The following LRPPRC variants were observed in gnomAD, a reference collection of about 807,000 sequenced individuals.
The protein encoded by LRPPRC is leucine rich pentatricopeptide repeat containing.
LRPPRC carries 120 observed loss-of-function variants against 180.3 expected under a neutral mutation model. The observed-to-expected ratio is 0.67, with a 90% CI of 0.57 to 0.77. The LOEUF (loss-of-function observed/expected upper bound fraction) is 0.77. LRPPRC is among the 30% of genes least tolerant of loss of function. LRPPRC has a pLI of 0.00. For synonymous variants in LRPPRC, 723 were observed against 600.0 expected, an observed-to-expected ratio of 1.21 and a Z score of -3.00; for missense variants, 2,012 against 1,657.2, an observed-to-expected ratio of 1.21 and a Z score of -3.72.
At chr2:43,907,245 GAGAT>G (rs1194539197) in intron 30 of LRPPRC, among the ~76,000 whole-genome samples, 1 of 152,030 alleles carries the variant, frequency 6.6e-6, no homozygotes, top group Admixed American at 6.6e-5. Context: ...TATGAAAGTG[GAGAT>G]AAATATCAGG....
chr2:43,949,721 G>A (rs780376570), intron 15 of LRPPRC, 62 bp from the exon 16 acceptor site: 45 of 1,103,404 alleles, frequency 4.1e-5, no homozygotes, highest in Non-Finnish European at 6.0e-5. Flanking sequence ...AACACAATCT[G>A]AAATTGAATT....
chr2:43,959,288 A>G (rs1673243444), intron 13 of LRPPRC: 3 of 696,984 alleles, frequency 4.3e-6, no homozygotes, highest in South Asian at 1.6e-5. Context: ...AATACTCAAT[A>G]TTTGACTCAA....
chr2:43,960,836 ATGG>A (rs1673318287), intron 12 of LRPPRC, among the ~76,000 whole-genome samples: 1 of 152,224 alleles, frequency 6.6e-6, no homozygotes, highest in Admixed American at 6.5e-5. Flanking sequence ...TCAAATACAG[ATGG>A]TCTGATGCCT....
chr2:43,905,804 A>G (rs1472629883), intron 30 of LRPPRC, 24 bp from the exon 31 acceptor site: 2 of 1,397,988 alleles, frequency 1.4e-6, no homozygotes, highest in Admixed American at 3.3e-5. Flanking sequence ...ACATTTAGAA[A>G]GGAATTACTG....
intron 32 of LRPPRC, among the ~76,000 whole-genome samples, chr2:43,901,091 T>C (rs1184239958): frequency 6.6e-6 from 1 of 152,216 alleles, no homozygotes; most frequent in Non-Finnish European, 1.5e-5. Flanking sequence ...GGTTATCAAC[T>C]GTGGAGCAAG....
At chr2:43,953,465 G>T (rs1304434076) in intron 14 of LRPPRC, among the ~76,000 whole-genome samples, 1 of 152,310 alleles carries the variant, frequency 6.6e-6, no homozygotes, top group East Asian at 1.9e-4. Flanking sequence ...ATTTGCAACT[G>T]TGCAAACACT....
At chr2:43,994,867 A>G (rs971077169) in intron 1 of LRPPRC, among the ~76,000 whole-genome samples, 2 of 151,904 alleles carry the variant, frequency 1.3e-5, no homozygotes, top group African/African-American at 4.9e-5. Flanking sequence ...TTATTCGCCT[A>G]TCTGACACCC....
At chr2:43,909,248 T>A (rs147401616) in intron 30 of LRPPRC, among the ~76,000 whole-genome samples, 1 of 152,300 alleles carries the variant, frequency 6.6e-6, no homozygotes, top group Non-Finnish European at 1.5e-5. Flanking sequence ...TTTTATTGGT[T>A]CAAGGGAGAG....
At chr2:43,907,993 G>T (rs1671121043) in intron 30 of LRPPRC, among the ~76,000 whole-genome samples, 1 of 152,130 alleles carries the variant, frequency 6.6e-6, no homozygotes, top group African/African-American at 2.4e-5. Context: ...TGTAAGCAAT[G>T]ACTGTGCTTA....
intron 1 of LRPPRC, among the ~76,000 whole-genome samples, chr2:43,988,236 CAAA>C (rs35197756): frequency 5.2e-5 from 5 of 95,716 alleles, no homozygotes; most frequent in Non-Finnish European, 6.1e-5. Context: ...GACTCTGTCT[CAAA>C]AAAAAAAAAA....
intron 20 of LRPPRC, among the ~76,000 whole-genome samples, 193 bp downstream of exon 20, chr2:43,947,060 TAAAC>T (rs1672705171): frequency 6.6e-6 from 1 of 152,198 alleles, no homozygotes; most frequent in Admixed American, 6.5e-5. Flanking sequence ...CAGATTATCG[TAAAC>T]AAACTACAGC....
chr2:43,935,714 T>A (rs1672250939), intron 23 of LRPPRC, among the ~76,000 whole-genome samples: 1 of 152,206 alleles, frequency 6.6e-6, no homozygotes, highest in Non-Finnish European at 1.5e-5. Flanking sequence ...ACCCTGTCTT[T>A]ATTAAAAGTT....
intron 11 of LRPPRC, among the ~76,000 whole-genome samples, chr2:43,965,028 A>G (rs1237526586): frequency 6.6e-6 from 1 of 152,134 alleles, no homozygotes; most frequent in African/African-American, 2.4e-5. Flanking sequence ...TTGAGACTGA[A>G]TATTGCTCGG....
intron 11 of LRPPRC, among the ~76,000 whole-genome samples, chr2:43,970,893 G>C (rs1417914166): frequency 6.6e-6 from 1 of 152,186 alleles, no homozygotes; most frequent in Non-Finnish European, 1.5e-5. Context: ...GAGGTCAGGA[G>C]TTTGAGACCA....
intron 30 of LRPPRC, among the ~76,000 whole-genome samples, chr2:43,907,398 C>T (rs561435967): frequency 1.3e-5 from 2 of 152,182 alleles, no homozygotes; most frequent in East Asian, 3.9e-4. Flanking sequence ...ATATTGGAAT[C>T]ATTTATACAA....
At chr2:43,981,388 T>A (rs1674300144) in intron 2 of LRPPRC, among the ~76,000 whole-genome samples, 1 of 152,098 alleles carries the variant, frequency 6.6e-6, no homozygotes, top group Admixed American at 6.5e-5. Context: ...AGACCAGGTA[T>A]GGTGGCCCAC....
chr2:43,966,468 T>C (rs2103683223), intron 11 of LRPPRC, among the ~76,000 whole-genome samples: 1 of 151,634 alleles, frequency 6.6e-6, no homozygotes, highest in East Asian at 2.0e-4. Context: ...TGGAGTGCAA[T>C]GGTGCGATCT....
At chr2:43,971,511 A>AAAAAAAAAAT (rs1673809712) in intron 11 of LRPPRC, among the ~76,000 whole-genome samples, 1 of 148,494 alleles carries the variant, frequency 6.7e-6, no homozygotes, top group Non-Finnish European at 1.5e-5. Context: ...AAAAGAAAAA[A>AAAAAAAAAAT]ATATATATAT....
chr2:43,975,053 A>G, intron 7 of LRPPRC, 38 bp downstream of exon 7: 1 of 1,604,404 alleles, frequency 6.2e-7, no homozygotes, highest in Non-Finnish European at 8.5e-7. Context: ...ATTTTTACAA[A>G]TGATTTTAAA....
Sources: allele counts gnomAD v4.1 joint callset (sites outside exome capture counted in the v4.1 genomes callset), GRCh38; gene constraint gnomAD v4.1.1; transcripts MANE v1.5; gene names NCBI Gene and HGNC (gene_info 2026-07-23, HGNC 2026-07-21).